Variants in DICER1 observed in about 807,000 individuals in gnomAD.
The protein encoded by DICER1 is endoribonuclease Dicer.
A neutral mutation model predicts 194.1 loss-of-function variants in DICER1; 43 were observed. The observed-to-expected ratio is 0.22, with a 90% CI of 0.17 to 0.29. The LOEUF (loss-of-function observed/expected upper bound fraction) is 0.29, where lower values mean the gene tolerates loss of function less well. Ranked by LOEUF, DICER1 falls within the 10% of genes least tolerant of loss-of-function variation. The pLI is 1.00. For missense variants in DICER1, 1,608 were observed against 2,317.0 expected (o/e 0.69, Z 6.28); for synonymous variants, 832 against 820.5 (o/e 1.01, Z -0.24).
At chr14:95,119,275 A>G (rs969377591) in intron 8 of DICER1, among the ~76,000 whole-genome samples, 2 of 152,364 alleles carry the variant, frequency 1.3e-5, no homozygotes, top group Admixed American at 1.3e-4. Context: ...AGGCAACAAC[A>G]GTCAATTCAT....
intron 7 of DICER1, among the ~76,000 whole-genome samples, chr14:95,126,067 G>A (rs1035567204): frequency 6.1e-5 from 8 of 132,230 alleles, no homozygotes; most frequent in Non-Finnish European, 9.3e-5. Flanking sequence ...AGGGCTTATC[G>A]AAATTCAAAA....
At chr14:95,155,129 C>T (rs934125049) in intron 1 of DICER1, among the ~76,000 whole-genome samples, 2 of 152,180 alleles carry the variant, frequency 1.3e-5, no homozygotes, top group South Asian at 2.1e-4. Context: ...TCTTAGTTTC[C>T]TTGCCTATAA....
chr14:95,145,338 A>T (rs1895063569), intron 1 of DICER1, among the ~76,000 whole-genome samples: 1 of 152,234 alleles, frequency 6.6e-6, no homozygotes, highest in African/African-American at 2.4e-5. Context: ...TAAATCACAA[A>T]ATATGGTACC....
chr14:95,091,756 T>C (rs1370905046), intron 24 of DICER1, among the ~76,000 whole-genome samples: 2 of 152,192 alleles, frequency 1.3e-5, no homozygotes, highest in African/African-American at 4.8e-5. Context: ...TTGGCAAGCA[T>C]TCAATAGTAC....
chr14:95,104,654 AAC>A (rs1891247835), intron 20 of DICER1, among the ~76,000 whole-genome samples: 1 of 152,222 alleles, frequency 6.6e-6, no homozygotes. Context: ...CAATCCCTAG[AAC>A]AGTCTTGATA....
At chr14:95,111,179 G>A (rs1014129388) in intron 14 of DICER1, 138 bp downstream of exon 14, 25 of 899,292 alleles carry the variant, frequency 2.8e-5, no homozygotes, top group African/African-American at 6.6e-5. Context: ...GCTGTGAATC[G>A]GAGAAAGGAG....
At chr14:95,092,518 C>T (rs1393770675) in intron 24 of DICER1, among the ~76,000 whole-genome samples, 1 of 152,124 alleles carries the variant, frequency 6.6e-6, no homozygotes, top group East Asian at 1.9e-4. Context: ...AAAAAACAGA[C>T]TTATTGTTCA....
chr14:95,090,371 C>G lies in DICER1; in HGVS notation c.*127G>C. On this transcript the variant is annotated 3_prime_UTR_variant, in exon 27 of 27. Transcript: ENST00000343455. ...TTCTGTTATCTATCCTGTTATCAAC[C>G]AAACTTTAAATTCTGCCTTCAATTC... 9.3e-7 allele frequency: 1 copy of G among 1,078,926 alleles called. No homozygotes were observed. Among genetic ancestry groups the G allele is most frequent in the Non-Finnish European group, 1.4e-6 (1 of 718,124 alleles). 66.8% of individuals were successfully genotyped at this position (1,078,926 alleles called of 1,614,324 possible).
In DICER1 at chr14:95,087,708, C is replaced by T. The variant is rs1159261071; in HGVS notation, c.*2790G>A. ...TATAAAAGAAATTTTAAAAAATTTACAAATGAAGGTTCATGTTAACTAACT... is the reference window on the plus strand; with the variant it reads ...TATAAAAGAAATTTTAAAAAATTTATAAATGAAGGTTCATGTTAACTAACT... On this transcript the variant is annotated 3_prime_UTR_variant, in exon 27 of 27. Transcript: ENST00000343455. The T allele has an allele frequency of 8.6e-6, 2 of 233,100 alleles. No homozygotes were observed. The highest frequency in any genetic ancestry group is 6.0e-5 in the East Asian group (1 of 16,592). The allele number at this position is 233,100 out of a possible 1,614,324, so 14.4% of individuals were successfully genotyped here.
chr14:95,108,297 C>A, intron 15 of DICER1, 27 bp downstream of exon 15: 1 of 1,600,124 alleles, frequency 6.2e-7, no homozygotes, highest in East Asian at 2.2e-5. Flanking sequence ...ACGTTTTTGA[C>A]ATAAGTACTC....
chr14:95,124,312 C>CTCATCA lies in DICER1; in HGVS notation c.1254_1259dup (p.Asp418_Asp419dup). The CTCATCA allele has an allele frequency of 6.2e-7, 1 of 1,613,740 alleles. No individual in the cohort carries two copies. The highest frequency in any genetic ancestry group is 1.7e-5 in the Admixed American group (1 of 60,026). ...TCTCTTTTTCTTCAATTTCTTCATCCTCATCATCATCCTCAGAATCACTCC... is the reference window on the plus strand; with the variant it reads ...TCTCTTTTTCTTCAATTTCTTCATCCTCATCATCATCATCATCCTCAGAATCACTCC... On this transcript the variant is annotated inframe_insertion, in exon 8 of 27. Coordinates refer to ENST00000343455, the MANE Select transcript of DICER1 (RefSeq NM_177438.3). The surrounding 1 kb of genome is among the most constrained non-coding windows in gnomAD (Gnocchi z 4.5).
chr14:95,096,757 G>A, intron 22 of DICER1, 44 bp from the exon 23 acceptor site: 1 of 1,552,788 alleles, frequency 6.4e-7, no homozygotes, highest in East Asian at 2.4e-5. Context: ...CATAGCTGCT[G>A]TTTTTAAAAG....
chr14:95,119,147 GAATAT>G (rs1475260020), intron 8 of DICER1, among the ~76,000 whole-genome samples: 1 of 152,070 alleles, frequency 6.6e-6, no homozygotes, highest in Non-Finnish European at 1.5e-5. Flanking sequence ...GCATCAATTT[GAATAT>G]AATAGAGATT....
At chr14:95,123,381 C>T (rs1203225544) in intron 8 of DICER1, among the ~76,000 whole-genome samples, 1 of 152,148 alleles carries the variant, frequency 6.6e-6, no homozygotes, top group African/African-American at 2.4e-5. Context: ...ATGAACCAAC[C>T]CAAAATAAAT....
At chr14:95,120,431 T>C (rs1021687511) in intron 8 of DICER1, among the ~76,000 whole-genome samples, 6 of 152,176 alleles carry the variant, frequency 3.9e-5, no homozygotes, top group African/African-American at 1.4e-4. Context: ...ATTTTACGAA[T>C]GAACATACTG....
chr14:95,112,998 A>C, intron 12 of DICER1, 94 bp downstream of exon 12: 5 of 1,359,708 alleles, frequency 3.7e-6, no homozygotes, highest in Non-Finnish European at 5.2e-6. Flanking sequence ...TTTAAAATCA[A>C]ATTTACCTAT....
chr14:95,148,211 T>G (rs1895270267), intron 1 of DICER1, among the ~76,000 whole-genome samples: 2 of 152,012 alleles, frequency 1.3e-5, no homozygotes, highest in Non-Finnish European at 2.9e-5. Context: ...TCCTTCAGGG[T>G]TTTTATGAAG....
At chr14:95,151,879 A>G (rs1244747395) in intron 1 of DICER1, among the ~76,000 whole-genome samples, 1 of 152,160 alleles carries the variant, frequency 6.6e-6, no homozygotes, top group Non-Finnish European at 1.5e-5. Context: ...AGAGGACTAA[A>G]TACGACTAAA....
intron 11 of DICER1, 135 bp from the exon 12 acceptor site, chr14:95,113,359 T>C (rs921536500): frequency 1.2e-5 from 10 of 858,678 alleles, no homozygotes; most frequent in Non-Finnish European, 1.7e-5. Context: ...TAAACTTTAC[T>C]GCTTCAAACT....
Sources: allele counts gnomAD v4.1 joint callset (sites outside exome capture counted in the v4.1 genomes callset), GRCh38; gene constraint gnomAD v4.1.1; non-coding constraint Gnocchi (gnomAD v3.1); transcripts MANE v1.5; gene names NCBI Gene and HGNC (gene_info 2026-07-23, HGNC 2026-07-21).